The following DMD variants were observed in gnomAD, a reference collection of about 807,000 sequenced individuals.
DMD encodes mutant dystrophin.
DMD carries 63 observed loss-of-function variants against 330.1 expected under a neutral mutation model. That is an observed-to-expected ratio of 0.19 (90% CI 0.16 to 0.24). DMD has a LOEUF of 0.24. DMD is among the 10% of genes least tolerant of loss of function. The probability of loss-of-function intolerance (pLI) is 1.00; values close to 1 mark genes in which losing one functional copy is unlikely to be tolerated. For synonymous variants in DMD, 1,223 were observed against 959.8 expected, an observed-to-expected ratio of 1.27 and a Z score of -5.07; for missense variants, 3,344 against 2,684.1, an observed-to-expected ratio of 1.25 and a Z score of -5.43.
At chrX:32,532,658 T>C (rs1311640967) in intron 17 of DMD, among the ~76,000 whole-genome samples, 2 of 112,659 alleles carry the variant, frequency 1.8e-5, no homozygotes, top group Non-Finnish European at 3.7e-5. Context: ...ATATTAGCTA[T>C]TGTTATTAAT....
intron 55 of DMD, among the ~76,000 whole-genome samples, chrX:31,620,680 G>T (rs369271972): frequency 1.6e-3 from 177 of 111,203 alleles, no homozygotes; most frequent in African/African-American, 5.4e-3. Flanking sequence ...CTCCCAAAGT[G>T]CTGGGATTAT....
At chrX:32,381,262 C>G (rs1183430735) in intron 33 of DMD, among the ~76,000 whole-genome samples, 1 of 111,349 alleles carries the variant, frequency 9.0e-6, no homozygotes, top group Non-Finnish European at 1.9e-5. Flanking sequence ...ATAATTTTGC[C>G]ATCCAATAGG....
intron 43 of DMD, among the ~76,000 whole-genome samples, chrX:32,225,174 TATAG>T (rs1184875641): frequency 8.9e-6 from 1 of 112,301 alleles, no homozygotes; most frequent in Non-Finnish European, 1.9e-5. Context: ...TGGCAAACTT[TATAG>T]ATAAAGATCT....
chrX:31,281,786 G>A (rs1036396783), intron 62 of DMD, among the ~76,000 whole-genome samples: 11 of 111,494 alleles, frequency 9.9e-5, no homozygotes, highest in Admixed American at 7.7e-4. Flanking sequence ...AGTTAAGATC[G>A]TCCCTAAGAT....
intron 1 of DMD, among the ~76,000 whole-genome samples, chrX:33,218,947 C>T (rs926670666): frequency 8.1e-5 from 9 of 110,922 alleles, no homozygotes; most frequent in Admixed American, 6.8e-4. Context: ...AATGTCATGT[C>T]GTTCTATGTC....
rs143454718 is a variant in DMD, at chrX:31,428,215, C to T, written c.9084+16266G>A. 2.8e-3 allele frequency among the ~76,000 whole-genome samples: 318 copies of T among 111,680 alleles called. 1 individual carries two copies. Among genetic ancestry groups the T allele is most frequent in the Non-Finnish European group, 4.7e-3 (248 of 53,092 alleles). On this transcript the variant is annotated intron_variant, in intron 60 of 78. Coordinates refer to ENST00000357033, the MANE Select transcript of DMD (RefSeq NM_004006.3). ...CTGGATCATGGGGCTGGATCCCTCACGAATGGCTCAGTGCCATTCTTGCAG... is the reference window on the plus strand; with the variant it reads ...CTGGATCATGGGGCTGGATCCCTCATGAATGGCTCAGTGCCATTCTTGCAG...
intron 1 of DMD, among the ~76,000 whole-genome samples, chrX:33,085,216 C>A (rs938261574): frequency 9.0e-6 from 1 of 111,573 alleles, no homozygotes; most frequent in East Asian, 2.8e-4. Flanking sequence ...GAAAACATAA[C>A]AACAACTTCG....
intron 9 of DMD, among the ~76,000 whole-genome samples, chrX:32,666,009 A>G (rs5972643): frequency 0.22 from 24,428 of 110,476 alleles, 4,681 homozygotes; most frequent in African/African-American, 0.64. Context: ...TGCTGCCATA[A>G]GAACTCAAGA....
At chrX:31,307,853 C>A (rs1461827739) in intron 62 of DMD, among the ~76,000 whole-genome samples, 2 of 111,545 alleles carry the variant, frequency 1.8e-5, no homozygotes, top group African/African-American at 6.5e-5. Flanking sequence ...TTTTCAAGAT[C>A]TATTAAGACA....
chrX:32,821,978 A>T (rs1395926339), intron 5 of DMD, among the ~76,000 whole-genome samples: 1 of 111,866 alleles, frequency 8.9e-6, no homozygotes, highest in Non-Finnish European at 1.9e-5. Context: ...ACCAAGAACC[A>T]GAACTAAACC....
chrX:31,350,214 C>T (rs1424629091), intron 60 of DMD, among the ~76,000 whole-genome samples: 1 of 111,530 alleles, frequency 9.0e-6, no homozygotes, highest in African/African-American at 3.3e-5. Flanking sequence ...TCCAATATAA[C>T]TCTTGTGCGT....
rs767124767 is a variant in DMD, at chrX:31,734,916, T to TTG, written c.7543-5169_7543-5168insCA. Reference sequence around the variant, plus strand: ...TATACAAAACAGTTTTAAACACCACTGCTCCTCATACCCAAGTGGCCACCA... The same window carrying TTG: ...TATACAAAACAGTTTTAAACACCACTTGGCTCCTCATACCCAAGTGGCCACCA... On this transcript the variant is annotated intron_variant, in intron 51 of 78. Transcript: ENST00000357033. Among the ~76,000 whole-genome samples, 259 of 111,866 alleles carry TTG rather than the reference T, an allele frequency of 2.3e-3. 1 individual carries two copies. The Middle Eastern group carries it at 0.028, about 12-fold the overall frequency.
intron 1 of DMD, among the ~76,000 whole-genome samples, chrX:33,296,988 T>C (rs1347469606): frequency 3.6e-5 from 4 of 111,370 alleles, no homozygotes; most frequent in Non-Finnish European, 7.6e-5. Flanking sequence ...TGATACTTCC[T>C]GAGATCCAAT....
At chrX:32,588,367 AGAT>A (rs2054523193) in intron 13 of DMD, among the ~76,000 whole-genome samples, 1 of 112,200 alleles carries the variant, frequency 8.9e-6, no homozygotes, top group African/African-American at 3.2e-5. Context: ...TTCTATACAT[AGAT>A]GAAATTATCA....
upstream of DMD, among the ~76,000 whole-genome samples, chrX:33,215,361 C>T (rs186044851): frequency 2.5e-3 from 272 of 110,062 alleles, no homozygotes; most frequent in Non-Finnish European, 3.5e-3. Context: ...TATACTTTGC[C>T]CATTTTTAAT....
intron 41 of DMD, among the ~76,000 whole-genome samples, chrX:32,335,224 C>T (rs768715707): frequency 4.0e-4 from 43 of 107,916 alleles, no homozygotes; most frequent in East Asian, 5.8e-4. Flanking sequence ...TTTCTTGAGG[C>T]GGGGTCTCAA....
intron 61 of DMD, among the ~76,000 whole-genome samples, chrX:31,334,525 G>T (rs2057321188): frequency 9.0e-6 from 1 of 111,532 alleles, no homozygotes; most frequent in Admixed American, 9.5e-5. Context: ...ACTGTAGGAG[G>T]TCATTTTTTA....
At chrX:33,002,878 A>G (rs1212769470) in intron 2 of DMD, among the ~76,000 whole-genome samples, 1 of 100,213 alleles carries the variant, frequency 1.0e-5, no homozygotes, top group African/African-American at 3.6e-5. Flanking sequence ...AAAAAAAAGA[A>G]GAAGAAAAAA....
intron 1 of DMD, among the ~76,000 whole-genome samples, chrX:33,267,437 A>G (rs777858806): frequency 9.0e-6 from 1 of 111,480 alleles, no homozygotes; most frequent in East Asian, 2.8e-4. Context: ...AAAACAACTT[A>G]TAGATTCAAT....
Sources: gnomAD v4.1 joint callset for allele counts (sites outside exome capture counted in the v4.1 genomes callset) on GRCh38, gnomAD v4.1.1 for gene constraint, MANE v1.5 for transcripts, NCBI Gene and HGNC (gene_info 2026-07-23, HGNC 2026-07-21) for gene names.